Variants in JMJD1C observed in about 807,000 individuals in gnomAD.
JMJD1C encodes the protein jumonji domain-containing protein 1C.
JMJD1C carries 31 observed loss-of-function variants against 245.3 expected under a neutral mutation model. The observed-to-expected ratio is 0.13, with a 90% CI of 0.09 to 0.17. The LOEUF (loss-of-function observed/expected upper bound fraction) is 0.17. Ranked by LOEUF, JMJD1C falls within the 10% of genes least tolerant of loss-of-function variation. The pLI is 1.00. For missense variants in JMJD1C, 2,691 were observed against 3,000.2 expected, an observed-to-expected ratio of 0.90 and a Z score of 2.41; for synonymous variants, 1,057 against 1,017.4, an observed-to-expected ratio of 1.04 and a Z score of -0.74.
intron 2 of JMJD1C, among the ~76,000 whole-genome samples, chr10:63,309,609 A>C (rs1938858868): frequency 6.6e-6 from 1 of 152,038 alleles, no homozygotes; most frequent in African/African-American, 2.4e-5. Flanking sequence ...CCACATTGAA[A>C]CATTTTGATT....
chr10:63,342,313 G>C (rs2134235957), intron 2 of JMJD1C, among the ~76,000 whole-genome samples: 1 of 152,278 alleles, frequency 6.6e-6, no homozygotes, highest in East Asian at 1.9e-4. Flanking sequence ...GCTTACTGAA[G>C]GACTAAAGCA....
Position 63,292,116 on chromosome 10 carries a change from T to G in JMJD1C, c.334-27352A>C, listed in dbSNP as rs574437106. On this transcript the variant is annotated intron_variant, in intron 2 of 25. Coordinates refer to ENST00000399262, the MANE Select transcript of JMJD1C (RefSeq NM_032776.3). ...ATAGGCACACGCCACCATATCTGAC[T>G]AATTTTTTTTAGTTTCTGTAGAGAC... Among the ~76,000 whole-genome samples, 211 of 144,944 alleles carry G rather than the reference T, an allele frequency of 1.5e-3. 4 individuals carry two copies. The highest frequency in any genetic ancestry group is 1.2e-3 in the Non-Finnish European group (80 of 65,866).
At chr10:63,322,295 T>C (rs1256553651) in intron 2 of JMJD1C, among the ~76,000 whole-genome samples, 1 of 152,152 alleles carries the variant, frequency 6.6e-6, no homozygotes, top group Non-Finnish European at 1.5e-5. Context: ...TTTCAGAATT[T>C]TTTTCCTCTG....
chr10:63,406,050 T>TA (rs1949150612), intron 1 of JMJD1C, among the ~76,000 whole-genome samples: 2 of 152,158 alleles, frequency 1.3e-5, no homozygotes, highest in African/African-American at 4.8e-5. Context: ...TTCAGGAGGC[T>TA]AAACTAAGAA....
chr10:63,467,199 A>G (rs1370704265), upstream of JMJD1C, among the ~76,000 whole-genome samples: 1 of 152,210 alleles, frequency 6.6e-6, no homozygotes, highest in Non-Finnish European at 1.5e-5. Flanking sequence ...AATTTTGCCA[A>G]AGACCAAACA....
intron 1 of JMJD1C, among the ~76,000 whole-genome samples, chr10:63,494,936 T>A (rs1954306777): frequency 6.6e-6 from 1 of 152,202 alleles, no homozygotes; most frequent in Admixed American, 6.5e-5. Context: ...GAGGAAGCCC[T>A]CCTTGATGTC....
intron 1 of JMJD1C, among the ~76,000 whole-genome samples, chr10:63,397,300 G>A (rs1262591065): frequency 1.3e-5 from 2 of 151,274 alleles, no homozygotes; most frequent in South Asian, 2.1e-4. Flanking sequence ...TACAACCTCC[G>A]CCTCCCAGGT....
At chr10:63,426,628 G>A (rs757904006) in intron 1 of JMJD1C, among the ~76,000 whole-genome samples, 26 of 151,852 alleles carry the variant, frequency 1.7e-4, no homozygotes, top group Non-Finnish European at 3.1e-4. Flanking sequence ...CCAAGATCGC[G>A]CCATTGCACT....
chr10:63,318,617 A>C (rs1254224590), intron 2 of JMJD1C, among the ~76,000 whole-genome samples: 2 of 151,982 alleles, frequency 1.3e-5, no homozygotes, highest in Admixed American at 6.6e-5. Context: ...CAGAACTCTT[A>C]CGTAAGTTCA....
intron 2 of JMJD1C, among the ~76,000 whole-genome samples, chr10:63,270,915 G>A (rs1359157877): frequency 6.6e-6 from 1 of 152,144 alleles, no homozygotes; most frequent in Non-Finnish European, 1.5e-5. Flanking sequence ...TAATTTGTCA[G>A]TATAATTAAA....
At chr10:63,286,971 C>G (rs897525065) in intron 2 of JMJD1C, among the ~76,000 whole-genome samples, 3 of 152,104 alleles carry the variant, frequency 2.0e-5, no homozygotes, top group East Asian at 1.9e-4. Flanking sequence ...AAAGAAGACA[C>G]GAGAAACCAG....
chr10:63,440,885 C>T (rs887048123), intron 1 of JMJD1C, among the ~76,000 whole-genome samples: 5 of 152,078 alleles, frequency 3.3e-5, no homozygotes, highest in African/African-American at 1.2e-4. Context: ...AAAATAGTAC[C>T]TATCTTATAG....
chr10:63,290,827 A>G (rs1399735552), intron 2 of JMJD1C, among the ~76,000 whole-genome samples: 1 of 152,166 alleles, frequency 6.6e-6, no homozygotes, highest in Non-Finnish European at 1.5e-5. Context: ...TAGAAATTTA[A>G]ATTTCTTCAT....
intron 2 of JMJD1C, among the ~76,000 whole-genome samples, chr10:63,359,843 C>T (rs906312435): frequency 7.9e-5 from 12 of 151,910 alleles, no homozygotes; most frequent in Non-Finnish European, 1.8e-4. Flanking sequence ...GTATTGTTTC[C>T]ATATGGTAAC....
chr10:63,291,305 T>C (rs1202426367), intron 2 of JMJD1C, among the ~76,000 whole-genome samples: 1 of 62,968 alleles, frequency 1.6e-5, no homozygotes, highest in South Asian at 6.5e-4. Context: ...TGAAAGTCTG[T>C]CTCAGAAAAA....
At chr10:63,516,223 G>C (rs545794875) in intron 1 of JMJD1C, among the ~76,000 whole-genome samples, 1 of 121,166 alleles carries the variant, frequency 8.3e-6, no homozygotes, top group African/African-American at 3.7e-5. Context: ...GTATGTTTCT[G>C]GACTTTGAGG....
intron 2 of JMJD1C, chr10:63,358,908 C>T (rs771305029): frequency 4.7e-4 from 73 of 155,812 alleles, no homozygotes; most frequent in Admixed American, 8.4e-4. Context: ...GTGGACCCTC[C>T]GAAAATGAAG....
chr10:63,225,947 T>C (rs1271910074), intron 3 of JMJD1C, among the ~76,000 whole-genome samples: 6 of 151,534 alleles, frequency 4.0e-5, no homozygotes, highest in African/African-American at 1.5e-4. Flanking sequence ...TATCTGAACT[T>C]AGTTCTGTGA....
At chr10:63,260,539 CA>C (rs569332476) in intron 3 of JMJD1C, among the ~76,000 whole-genome samples, 178 of 152,170 alleles carry the variant, frequency 1.2e-3, no homozygotes, top group African/African-American at 4.0e-3. Context: ...CTTCTATAAT[CA>C]TACTCCAAAG....
Sources: gnomAD v4.1 joint callset for allele counts (sites outside exome capture counted in the v4.1 genomes callset) on GRCh38, gnomAD v4.1.1 for gene constraint, MANE v1.5 for transcripts, NCBI Gene and HGNC (gene_info 2026-07-23, HGNC 2026-07-21) for gene names.